The following DNM3 variants were observed in gnomAD, a reference collection of about 807,000 sequenced individuals.
DNM3 encodes the protein dynamin-3.
A neutral mutation model predicts 101.6 loss-of-function variants in DNM3; 47 were observed. That is an observed-to-expected ratio of 0.46 (90% CI 0.37 to 0.59). DNM3 has a LOEUF of 0.59. DNM3 is among the 20% of genes least tolerant of loss of function. The pLI, the probability that DNM3 is intolerant of heterozygous loss-of-function variation, is 0.00. For missense variants in DNM3, 849 were observed against 1,085.7 expected, an observed-to-expected ratio of 0.78 and a Z score of 3.06; for synonymous variants, 385 against 387.9, an observed-to-expected ratio of 0.99 and a Z score of 0.09.
rs370881898 is a variant in DNM3, at chr1:172,325,262, G to A, written c.1893+1922G>A. ...CTCTTCAGGGTCTCCAGCTGCCCTC[G>A]GTCACCAACTGTATCTGAACGCTTG... is the stretch of plus-strand genomic sequence containing the variant. On this transcript the variant is annotated intron_variant, in intron 17 of 20. Transcript: ENST00000627582. Among the ~76,000 whole-genome samples the A allele has an allele frequency of 1.8e-4, 28 of 152,134 alleles. 1 individual carries two copies. In the South Asian group the frequency reaches 4.8e-3, roughly 26 times the overall value.
At chr1:172,193,597 A>G (rs1326333844) in intron 14 of DNM3, among the ~76,000 whole-genome samples, 8 of 152,028 alleles carry the variant, frequency 5.3e-5, no homozygotes, top group Admixed American at 3.3e-4. Flanking sequence ...GGGAGGGTGT[A>G]TGTGTCGAGG....
chr1:172,284,459 C>A (rs532501791), intron 15 of DNM3, among the ~76,000 whole-genome samples: 42 of 151,894 alleles, frequency 2.8e-4, no homozygotes, highest in African/African-American at 1.0e-3. Context: ...CCTTTTTTTT[C>A]TCTCTGTAAT....
chr1:171,932,207 T>C (rs550473194), intron 2 of DNM3, among the ~76,000 whole-genome samples: 13 of 151,184 alleles, frequency 8.6e-5, no homozygotes, highest in Admixed American at 7.3e-4. Flanking sequence ...GGTGGCATGA[T>C]CATTGCTCAG....
rs906296529 is a variant in DNM3 at position 172,408,467 on chromosome 1, C to T, written c.*626C>T. On this transcript the variant is annotated 3_prime_UTR_variant, in exon 21 of 21. Transcript: ENST00000627582. ...TGCTCTAAAGAGCTTCTCCTCATTCCAATGTGTTTTGCTTCATGCTAGAAG... is the reference window on the plus strand; with the variant it reads ...TGCTCTAAAGAGCTTCTCCTCATTCTAATGTGTTTTGCTTCATGCTAGAAG... 1 of 985,212 alleles carries T rather than the reference C, an allele frequency of 1.0e-6. No homozygotes were observed. Among genetic ancestry groups the T allele is most frequent in the Admixed American group, 6.2e-5 (1 of 16,240 alleles). The allele number at this position is 985,212 out of a possible 1,614,324, so 61.0% of individuals were successfully genotyped here. A position where few individuals can be genotyped will look rare whatever the true frequency, so the allele number is the denominator to read the frequency against.
intron 10 of DNM3, among the ~76,000 whole-genome samples, chr1:172,053,573 TC>T (rs2050361307): frequency 6.6e-6 from 1 of 152,192 alleles, no homozygotes; most frequent in African/African-American, 2.4e-5. Context: ...TTTTATCTTC[TC>T]TCTAGCCTGT....
chr1:171,893,422 T>A lies in DNM3; in HGVS notation c.162-28326T>A, dbSNP rs1002341. On this transcript the variant is annotated intron_variant, in intron 1 of 20. Transcript: ENST00000627582. ...CCTATAAAGTAAGGTTTTGAAATAG[T>A]CCAAACTATTTTCAATTATTTAATA... Among the ~76,000 whole-genome samples, 1,365 of 151,686 alleles carry A rather than the reference T, an allele frequency of 9.0e-3. 28 individuals carry two copies. The highest frequency in any genetic ancestry group is 0.03 in the African/African-American group (1,255 of 41,370).
At chr1:172,335,280 A>T (rs2066370466) in intron 17 of DNM3, among the ~76,000 whole-genome samples, 1 of 152,184 alleles carries the variant, frequency 6.6e-6, no homozygotes, top group African/African-American at 2.4e-5. Flanking sequence ...TTTTTCGGGG[A>T]TAAAGGCATA....
chr1:172,231,599 A>G (rs967370808), intron 14 of DNM3, among the ~76,000 whole-genome samples: 3 of 152,306 alleles, frequency 2.0e-5, no homozygotes, highest in Middle Eastern at 3.4e-3. Flanking sequence ...ATGGAGAATG[A>G]CTTTGACAAG....
At chr1:172,280,193 G>T (rs1333010281) in intron 15 of DNM3, among the ~76,000 whole-genome samples, 2 of 152,012 alleles carry the variant, frequency 1.3e-5, no homozygotes, top group Non-Finnish European at 2.9e-5. Flanking sequence ...CTCAGTTCAT[G>T]TCTGTTTTCA....
At chr1:172,309,178 A>G in intron 16 of DNM3, 1 of 220,982 alleles carries the variant, frequency 4.5e-6, no homozygotes, top group Admixed American at 5.7e-5. Flanking sequence ...TATTAATACA[A>G]TCAGTATATC....
rs544991381 is a variant in DNM3, at chr1:172,098,081, G to T, written c.1545+5206G>T. 1.1e-4 allele frequency among the ~76,000 whole-genome samples: 16 copies of T among 152,280 alleles called. No homozygotes were observed. The East Asian group carries it at 2.9e-3, about 28-fold the overall frequency. On this transcript the variant is annotated intron_variant, in intron 13 of 20. Coordinates refer to ENST00000627582, the MANE Select transcript of DNM3 (RefSeq NM_015569.5). ...GCTAATGAAATTTCAGGCACGCATT[G>T]TCATTGATAACATCAGGAGACAGGG...
chr1:172,133,326 T>G (rs943048020), intron 14 of DNM3: 1 of 1,008,992 alleles, frequency 9.9e-7, no homozygotes, highest in African/African-American at 1.7e-5. Flanking sequence ...ATCACTGCCC[T>G]TGTAGCTTCC....
chr1:172,289,524 A>C (rs1207830396), intron 15 of DNM3: 6 of 928,016 alleles, frequency 6.5e-6, no homozygotes, highest in Non-Finnish European at 7.7e-6. Context: ...GATTCATTAG[A>C]GAAGAAACTC....
At chr1:172,006,534 A>T (rs1225697642) in intron 4 of DNM3, among the ~76,000 whole-genome samples, 1 of 152,072 alleles carries the variant, frequency 6.6e-6, no homozygotes, top group African/African-American at 2.4e-5. Flanking sequence ...TGTTAATTCC[A>T]TGTACAAATA....
At chr1:172,132,071 C>T (rs1378913494) in intron 14 of DNM3, among the ~76,000 whole-genome samples, 1 of 152,114 alleles carries the variant, frequency 6.6e-6, no homozygotes, top group Non-Finnish European at 1.5e-5. Flanking sequence ...TCTTTTGGTA[C>T]TTATAATGCG....
intron 15 of DNM3, chr1:172,289,927 C>T (rs930086755): frequency 5.3e-6 from 5 of 947,108 alleles, no homozygotes; most frequent in Middle Eastern, 5.4e-4. Context: ...GTGAAATCAG[C>T]AATATTATCT....
At chr1:172,071,179 T>C (rs1422631039) in intron 11 of DNM3, among the ~76,000 whole-genome samples, 1 of 147,192 alleles carries the variant, frequency 6.8e-6, no homozygotes, top group Admixed American at 6.8e-5. Context: ...CTATGGCACA[T>C]GGTAGATTCG....
intron 1 of DNM3, among the ~76,000 whole-genome samples, chr1:171,857,328 C>T (rs2033714290): frequency 1.3e-5 from 2 of 152,054 alleles, no homozygotes; most frequent in Non-Finnish European, 1.5e-5. Context: ...GAAATGGATA[C>T]AGGTCATTTC....
chr1:172,140,688 C>T (rs948635629), intron 14 of DNM3: 12 of 151,572 alleles, frequency 7.9e-5, no homozygotes, highest in Non-Finnish European at 1.6e-4. Context: ...ATTTTTTGAG[C>T]CAGAAAAACC....
Sources: allele counts gnomAD v4.1 joint callset (sites outside exome capture counted in the v4.1 genomes callset), GRCh38; gene constraint gnomAD v4.1.1; transcripts MANE v1.5; gene names NCBI Gene and HGNC (gene_info 2026-07-23, HGNC 2026-07-21).